Variants in FZD9 observed in about 807,000 individuals in gnomAD.
FZD9 encodes the protein frizzled class receptor 9.
FZD9 carries 29 observed loss-of-function variants against 29.9 expected under a neutral mutation model. That is an observed-to-expected ratio of 0.97 (90% CI 0.72 to 1.32). The LOEUF (loss-of-function observed/expected upper bound fraction) is 1.32, where lower values mean the gene tolerates loss of function less well. FZD9 is among the 40% of genes most tolerant of loss of function. The pLI is 0.00. For synonymous variants in FZD9, 384 were observed against 393.9 expected (o/e 0.97, Z 0.30); for missense variants, 822 against 857.8 (o/e 0.96, Z 0.52).
At position 73,434,680 on chromosome 7, in the gene FZD9, C is replaced by T. The variant is rs1554563396; in HGVS notation, c.673C>T (p.Arg225Trp). The T allele has an allele frequency of 5.0e-6, 8 of 1,603,154 alleles. No homozygotes were observed. Among genetic ancestry groups the T allele is most frequent in the East Asian group, 2.2e-5 (1 of 44,840 alleles). The change falls in exon 1 of 1, where the codon CGG becomes TGG. Residue 225 changes from arginine to tryptophan, a missense_variant. Coordinates refer to ENST00000344575, the MANE Select transcript of FZD9 (RefSeq NM_003508.3). ...GCCCGGCGTCGAGGTGTTCTGGTCC[C>T]GGCGCGACAAGGACTTCGCGCTGGT... ...CGPGVEVFWS[R>W]RDKDFALVWM... is the part of the protein sequence containing the mutation.
At position 73,434,206 on chromosome 7, in the gene FZD9, G is replaced by A. The variant is rs782695258; in HGVS notation, c.199G>A (p.Gly67Ser). 1 of 1,575,204 alleles carries A rather than the reference G, an allele frequency of 6.3e-7. No individual in the cohort carries two copies. The highest frequency in any genetic ancestry group is 1.2e-5 in the South Asian group (1 of 86,624). ...CAACCTGCTGGGCCACACGTCGCAGGGCGAGGCGGCTGCCGAGCTAGCGGA... is the reference window on the plus strand; with the variant it reads ...CAACCTGCTGGGCCACACGTCGCAGAGCGAGGCGGCTGCCGAGCTAGCGGA... ...MPNLLGHTSQ[G>S]EAAAELAEFA... is the part of the protein sequence containing the mutation. The change falls in exon 1 of 1, where the codon GGC becomes AGC. Residue 67 changes from glycine (G) to serine (S), a missense_variant. By Grantham distance (56) the Gly-to-Ser change is moderately conservative (BLOSUM62 0). Transcript: ENST00000344575.
In FZD9 at chr7:73,435,238, G is replaced by GT; in HGVS notation, c.1232dup (p.Leu412AlafsTer4). The GT allele has an allele frequency of 6.2e-7, 1 of 1,613,708 alleles. No homozygotes were observed. Among genetic ancestry groups the GT allele is most frequent in the Non-Finnish European group, 8.5e-7 (1 of 1,180,034 alleles). On this transcript the variant is annotated frameshift_variant, in exon 1 of 1. Transcript: ENST00000344575. LOFTEE classifies it high-confidence loss of function. The stretch of plus-strand genomic sequence containing the variant: ...GCTGGTGCCCCTCTCTGGCTACCTG[G>GT]TGCTGGGCAGTAGTTTCCTCCTGAC...
chr7:73,435,596 G>C lies in FZD9; in HGVS notation c.1589G>C (p.Ser530Thr). ...VGITSGVWVWSSKTFQTWQSL... is the reference protein window; with the variant it reads ...VGITSGVWVWTSKTFQTWQSL... ...ATCACCAGCGGCGTCTGGGTGTGGA[G>C]CTCCAAGACTTTCCAGACCTGGCAG... The change falls in exon 1 of 1, where the codon AGC becomes ACC. Residue 530 changes from serine (S) to threonine (T), a missense_variant. Transcript: ENST00000344575. 1 of 1,613,164 alleles carries C rather than the reference G, an allele frequency of 6.2e-7. No individual in the cohort carries two copies. Among genetic ancestry groups the C allele is most frequent in the Non-Finnish European group, 8.5e-7 (1 of 1,179,862 alleles).
Position 73,434,658 on chromosome 7 carries a change from C to T in FZD9, c.651C>T (p.Pro217=), listed in dbSNP as rs1554563391. 4 of 1,599,718 alleles carry T rather than the reference C, an allele frequency of 2.5e-6. No homozygotes were observed. The highest frequency in any genetic ancestry group is 3.4e-6 in the Non-Finnish European group (4 of 1,178,808). ...KSRSCAPRCG[P]GVEVFWSRRD... is the part of the protein sequence containing the mutation. ...GCTCGTGCGCACCGCGCTGCGGGCC[C>T]GGCGTCGAGGTGTTCTGGTCCCGGC... The change falls in exon 1 of 1, where the codon CCC becomes CCT. Residue 217 remains proline, a synonymous_variant. Coordinates refer to ENST00000344575, the MANE Select transcript of FZD9 (RefSeq NM_003508.3).
Position 73,435,225 on chromosome 7 carries a change from C to T in FZD9, c.1218C>T (p.Leu406=), listed in dbSNP as rs1441431141. The change falls in exon 1 of 1, where the codon CTC becomes CTT. Residue 406 remains leucine, a synonymous_variant. Transcript: ENST00000344575. ...AALTGFVLVP[L]SGYLVLGSSF... Reference sequence around the variant, plus strand: ...TCACGGGCTTCGTGCTGGTGCCCCTCTCTGGCTACCTGGTGCTGGGCAGTA... The same window carrying T: ...TCACGGGCTTCGTGCTGGTGCCCCTTTCTGGCTACCTGGTGCTGGGCAGTA... The T allele has an allele frequency of 1.2e-6, 2 of 1,613,496 alleles. No homozygotes were observed. The highest frequency in any genetic ancestry group is 1.7e-6 in the Non-Finnish European group (2 of 1,180,034).
chr7:73,434,678 C>A lies in FZD9; in HGVS notation c.671C>A (p.Ser224Tyr). 1 of 1,602,964 alleles carries A rather than the reference C, an allele frequency of 6.2e-7. No individual in the cohort carries two copies. Among genetic ancestry groups the A allele is most frequent in the Non-Finnish European group, 8.5e-7 (1 of 1,179,370 alleles). Residue 224 changes from serine to tyrosine, a missense_variant, in exon 1 of 1, where the codon TCC becomes TAC. Physicochemically the swap from Ser to Tyr is moderately radical, Grantham distance 144 (BLOSUM62 -2). Coordinates refer to ENST00000344575, the MANE Select transcript of FZD9 (RefSeq NM_003508.3). Reference protein sequence around the residue: ...RCGPGVEVFWSRRDKDFALVW... With the variant: ...RCGPGVEVFWYRRDKDFALVW... The stretch of plus-strand genomic sequence containing the variant: ...GGGCCCGGCGTCGAGGTGTTCTGGT[C>A]CCGGCGCGACAAGGACTTCGCGCTG...
Position 73,434,061 on chromosome 7 carries a change from G to T in FZD9, c.54G>T (p.Ala18=). 2.4e-6 allele frequency: 3 copies of T among 1,270,454 alleles called. No homozygotes were observed. The highest frequency in any genetic ancestry group is 2.0e-6 in the Non-Finnish European group (2 of 1,012,048). The allele number at this position is 1,270,454 out of a possible 1,614,324, so 78.7% of individuals were successfully genotyped here. The change falls in exon 1 of 1, where the codon GCG becomes GCT. Residue 18 remains alanine, a synonymous_variant. Coordinates refer to ENST00000344575, the MANE Select transcript of FZD9 (RefSeq NM_003508.3). Reference sequence around the variant, plus strand: ...TGCTGCTGTGGCAGCTGCTGGCGGCGGGCGGCGCGGCACTGGAGATCGGCC... The same window carrying T: ...TGCTGCTGTGGCAGCTGCTGGCGGCTGGCGGCGCGGCACTGGAGATCGGCC... ...GALLLWQLLA[A]GGAALEIGRF...
chr7:73,434,499 G>A lies in FZD9; in HGVS notation c.492G>A (p.Ala164=), dbSNP rs1247706975. ...CCGAGAACGCCACGGCCGGCCCCGC[G>A]GAGCCCCACAAGGGCCTGGGCATGC... is the stretch of plus-strand genomic sequence containing the variant. ...EAPENATAGP[A]EPHKGLGMLP... The change falls in exon 1 of 1, where the codon GCG becomes GCA. Residue 164 remains alanine (A), a synonymous_variant. Transcript: ENST00000344575. 1 of 1,472,178 alleles carries A rather than the reference G, an allele frequency of 6.8e-7. No homozygotes were observed. Among genetic ancestry groups the A allele is most frequent in the South Asian group, 1.3e-5 (1 of 76,158 alleles). The allele number at this position is 1,472,178 out of a possible 1,614,324, so 91.2% of individuals were successfully genotyped here. A position where few individuals can be genotyped will look rare whatever the true frequency, so the allele number is the denominator to read the frequency against.
In FZD9 at chr7:73,435,634, C is replaced by T. The variant is rs1011824273; in HGVS notation, c.1627C>T (p.Arg543Cys). ...CCAGACCTGGCAGAGCCTGTGCTAC[C>T]GCAAGATAGCAGCTGGCCGGGCCCG... ...TFQTWQSLCY[R>C]KIAAGRARAK... The change falls in exon 1 of 1, where the codon CGC (arginine) becomes TGC (cysteine). Residue 543 changes from arginine to cysteine, a missense_variant. Arg to Cys is a radical substitution (Grantham distance 180). Coordinates refer to ENST00000344575, the MANE Select transcript of FZD9 (RefSeq NM_003508.3). 9 of 1,613,048 alleles carry T rather than the reference C, an allele frequency of 5.6e-6. No individual in the cohort carries two copies. Among genetic ancestry groups the T allele is most frequent in the Non-Finnish European group, 7.6e-6 (9 of 1,179,870 alleles).
chr7:73,434,644 C>T lies in FZD9; in HGVS notation c.637C>T (p.Pro213Ser). 6.3e-7 allele frequency: 1 copy of T among 1,597,650 alleles called. No homozygotes were observed. The highest frequency in any genetic ancestry group is 1.1e-5 in the South Asian group (1 of 90,858). ...CGTGGAGAAGAGCCGCTCGTGCGCA[C>T]CGCGCTGCGGGCCCGGCGTCGAGGT... ...QYVEKSRSCAPRCGPGVEVFW... is the reference protein window; with the variant it reads ...QYVEKSRSCASRCGPGVEVFW... The change falls in exon 1 of 1, where the codon CCG (proline) becomes TCG (serine). Residue 213 changes from proline to serine, a missense_variant. By Grantham distance (74) the Pro-to-Ser change is moderately conservative (BLOSUM62 -1). Coordinates refer to ENST00000344575, the MANE Select transcript of FZD9 (RefSeq NM_003508.3).
Position 73,435,028 on chromosome 7 carries a change from G to A in FZD9, c.1021G>A (p.Ala341Thr), listed in dbSNP as rs1554563501. Residue 341 changes from alanine to threonine, a missense_variant, in exon 1 of 1, where the codon GCT becomes ACT. Coordinates refer to ENST00000344575, the MANE Select transcript of FZD9 (RefSeq NM_003508.3). Reference sequence around the variant, plus strand: ...GGTCCTGACGCTCACCTGGTTCCTGGCTGCCGGGAAGAAATGGGGCCACGA... The same window carrying A: ...GGTCCTGACGCTCACCTGGTTCCTGACTGCCGGGAAGAAATGGGGCCACGA... ...WVVLTLTWFL[A>T]AGKKWGHEAI... The A allele has an allele frequency of 1.2e-6, 2 of 1,613,914 alleles. No homozygotes were observed. Among genetic ancestry groups the A allele is most frequent in the South Asian group, 2.2e-5 (2 of 91,086 alleles).
rs1787380337 is a variant in FZD9, at chr7:73,434,918, T to C, written c.911T>C (p.Ile304Thr). The change falls in exon 1 of 1, where the codon ATC (isoleucine) becomes ACC (threonine). Residue 304 changes from isoleucine to threonine, a missense_variant. By Grantham distance (89) the Ile-to-Thr change is moderately conservative. Transcript: ENST00000344575. The part of the protein sequence containing the change: ...CDQEAGALYV[I>T]QEGLENTGCT... ...CAGGAGGCGGGCGCGCTCTACGTGA[T>C]CCAGGAGGGCCTGGAGAACACGGGC... The C allele has an allele frequency of 6.2e-7, 1 of 1,613,772 alleles. No individual in the cohort carries two copies. Among genetic ancestry groups the C allele is most frequent in the Non-Finnish European group, 8.5e-7 (1 of 1,180,000 alleles).
rs1055955184 is a variant in FZD9, at chr7:73,435,580, G to A, written c.1573G>A (p.Gly525Ser). ...FMSLVVGITS[G>S]VWVWSSKTFQ... is the part of the protein sequence containing the mutation. ...GTCACTGGTGGTGGGGATCACCAGC[G>A]GCGTCTGGGTGTGGAGCTCCAAGAC... is the stretch of plus-strand genomic sequence containing the variant. Residue 525 changes from glycine to serine, a missense_variant, in exon 1 of 1, where the codon GGC (glycine) becomes AGC (serine). Coordinates refer to ENST00000344575, the MANE Select transcript of FZD9 (RefSeq NM_003508.3). The A allele has an allele frequency of 3.7e-6, 6 of 1,613,098 alleles. No homozygotes were observed. Among genetic ancestry groups the A allele is most frequent in the South Asian group, 2.2e-5 (2 of 91,088 alleles).
At position 73,433,938 on chromosome 7, in the gene FZD9, C is replaced by G. The variant is rs1489940988; in HGVS notation, c.-70C>G. 9.0e-7 allele frequency: 1 copy of G among 1,105,660 alleles called. No homozygotes were observed. The allele number at this position is 1,105,660 out of a possible 1,614,324, so 68.5% of individuals were successfully genotyped here. The stretch of plus-strand genomic sequence containing the variant: ...CGCCCCGCGACGTGGCGGGCAGGCA[C>G]CGGGGCGCGGGACCGCTGAGCCCGA... On this transcript the variant is annotated 5_prime_UTR_variant, in exon 1 of 1. Transcript: ENST00000344575.
rs532621192 is a variant in FZD9 at position 73,435,239 on chromosome 7, T to C, written c.1232T>C (p.Val411Ala). 41 of 1,613,688 alleles carry C rather than the reference T, an allele frequency of 2.5e-5. No homozygotes were observed. In the South Asian group the frequency reaches 3.6e-4, roughly 14 times the overall value. ...CTGGTGCCCCTCTCTGGCTACCTGG[T>C]GCTGGGCAGTAGTTTCCTCCTGACC... ...FVLVPLSGYL[V>A]LGSSFLLTGF... Residue 411 changes from valine (V) to alanine (A), a missense_variant, in exon 1 of 1, where the codon GTG (valine) becomes GCG (alanine). Coordinates refer to ENST00000344575, the MANE Select transcript of FZD9 (RefSeq NM_003508.3).
rs1288678390 is a variant in FZD9 at position 73,434,342 on chromosome 7, G to T, written c.335G>T (p.Arg112Leu). ...GTCTCGACGCCCATTCCCGCCTGCCGGCCCATGTGCGAGCAGGCGCGCCTG... is the reference window on the plus strand; with the variant it reads ...GTCTCGACGCCCATTCCCGCCTGCCTGCCCATGTGCGAGCAGGCGCGCCTG... ...DQVSTPIPAC[R>L]PMCEQARLRC... Residue 112 changes from arginine (R) to leucine (L), a missense_variant, in exon 1 of 1, where the codon CGG becomes CTG. Physicochemically the swap from Arg to Leu is moderately radical, Grantham distance 102 (BLOSUM62 -2). Coordinates refer to ENST00000344575, the MANE Select transcript of FZD9 (RefSeq NM_003508.3). 2 of 1,582,514 alleles carry T rather than the reference G, an allele frequency of 1.3e-6. No individual in the cohort carries two copies. Among genetic ancestry groups the T allele is most frequent in the Admixed American group, 1.7e-5 (1 of 57,274 alleles).
rs782187612 is a variant in FZD9, at chr7:73,435,052, G to A, written c.1045G>A (p.Glu349Lys). 5 of 1,613,476 alleles carry A rather than the reference G, an allele frequency of 3.1e-6. No homozygotes were observed. The South Asian group carries it at 3.3e-5, about 11-fold the overall frequency. Residue 349 changes from glutamate (E) to lysine (K), a missense_variant, in exon 1 of 1, where the codon GAG (glutamate) becomes AAG (lysine). Glu to Lys is a moderately conservative substitution (Grantham distance 56). Transcript: ENST00000344575. ...GGCTGCCGGGAAGAAATGGGGCCAC[G>A]AGGCCATCGAGGCCCACGGCAGCTA... is the stretch of plus-strand genomic sequence containing the variant. ...FLAAGKKWGH[E>K]AIEAHGSYFH...
chr7:73,434,151 C>T lies in FZD9; in HGVS notation c.144C>T (p.Arg48=), dbSNP rs782640739. The change falls in exon 1 of 1, where the codon CGC becomes CGT. Residue 48 remains arginine, a synonymous_variant. Coordinates refer to ENST00000344575, the MANE Select transcript of FZD9 (RefSeq NM_003508.3). ...AGGCGGTGGAGATCCCCATGTGCCG[C>T]GGCATCGGCTACAACCTGACCCGCA... The part of the protein sequence containing the change: ...PCQAVEIPMC[R]GIGYNLTRMP... 4 of 1,553,702 alleles carry T rather than the reference C, an allele frequency of 2.6e-6. No homozygotes were observed. The highest frequency in any genetic ancestry group is 5.0e-5 in the East Asian group (2 of 40,060).
chr7:73,435,652 C>G lies in FZD9; in HGVS notation c.1645C>G (p.Arg549Gly). 1 of 1,613,068 alleles carries G rather than the reference C, an allele frequency of 6.2e-7. No homozygotes were observed. The highest frequency in any genetic ancestry group is 1.3e-5 in the African/African-American group (1 of 75,032). ...SLCYRKIAAG[R>G]ARAKACRAPG... ...GTGCTACCGCAAGATAGCAGCTGGC[C>G]GGGCCCGGGCCAAGGCCTGCCGCGC... is the stretch of plus-strand genomic sequence containing the variant. Residue 549 changes from arginine to glycine, a missense_variant, in exon 1 of 1, where the codon CGG becomes GGG. Physicochemically the swap from Arg to Gly is moderately radical, Grantham distance 125. Transcript: ENST00000344575.
Sources: gnomAD v4.1 joint callset for allele counts on GRCh38, gnomAD v4.1.1 for gene constraint, MANE v1.5 for transcripts, NCBI Gene and HGNC (gene_info 2026-07-23, HGNC 2026-07-21) for gene names.